Variants in SMC6 observed in about 807,000 individuals in gnomAD.
SMC6 encodes the protein structural maintenance of chromosomes 6.
A neutral mutation model predicts 142.2 loss-of-function variants in SMC6; 79 were observed. The ratio of observed to expected loss-of-function variants is 0.56; its 90% CI spans 0.46 to 0.67. The LOEUF (loss-of-function observed/expected upper bound fraction) is 0.67. SMC6 is among the 30% of genes least tolerant of loss of function. The pLI is 0.00. For synonymous variants in SMC6, 411 were observed against 412.4 expected, an observed-to-expected ratio of 1.00 and a Z score of 0.04; for missense variants, 1,072 against 1,284.0, an observed-to-expected ratio of 0.83 and a Z score of 2.52.
chr2:17,731,786 T>C lies in SMC6; in HGVS notation c.436A>G (p.Ile146Val). ...YGNSILIQQH[I>V]SIDGSRSYKL... ...TAAGATCGACTTCCATCTATGCTGA[T>C]GTGTTGCTGTATAAGTATAGAGTTA... Residue 146 changes from isoleucine (I) to valine (V), a missense_variant, in exon 6 of 28, where the codon ATC becomes GTC. Ile to Val is a conservative substitution (Grantham distance 29). Coordinates refer to ENST00000448223, the MANE Select transcript of SMC6 (RefSeq NM_001142286.2). 1 of 1,613,888 alleles carries C rather than the reference T, an allele frequency of 6.2e-7. No homozygotes were observed. Among genetic ancestry groups the C allele is most frequent in the Non-Finnish European group, 8.5e-7 (1 of 1,179,884 alleles).
At chr2:17,741,053 A>G (rs1029927590) in intron 4 of SMC6, among the ~76,000 whole-genome samples, 1 of 152,190 alleles carries the variant, frequency 6.6e-6, no homozygotes, top group African/African-American at 2.4e-5. Context: ...TAAACCATAT[A>G]AGGTTATTCA....
At chr2:17,719,405 G>C (rs1290879911) in intron 11 of SMC6, among the ~76,000 whole-genome samples, 1 of 152,122 alleles carries the variant, frequency 6.6e-6, no homozygotes, top group African/African-American at 2.4e-5. Flanking sequence ...AAGGTGGTAA[G>C]GATATAAAGA....
At chr2:17,739,845 G>GACAC (rs776038205) in intron 4 of SMC6, among the ~76,000 whole-genome samples, 43,913 of 110,380 alleles carry the variant, frequency 0.4, 7,989 homozygotes, top group Non-Finnish European at 0.44. Flanking sequence ...CACACACACA[G>GACAC]ACACACACAC....
intron 25 of SMC6, among the ~76,000 whole-genome samples, chr2:17,673,287 T>C (rs1376250693): frequency 1.3e-5 from 2 of 152,218 alleles, no homozygotes; most frequent in Non-Finnish European, 2.9e-5. Context: ...AGTCTTTTGT[T>C]GCATGTATGC....
At chr2:17,676,013 T>C (rs1023129468) in intron 25 of SMC6, among the ~76,000 whole-genome samples, 2 of 152,166 alleles carry the variant, frequency 1.3e-5, no homozygotes, top group African/African-American at 4.8e-5. Context: ...GTGCTCCTCA[T>C]ATCTCAAACT....
chr2:17,739,134 T>C (rs1670301657), intron 4 of SMC6, among the ~76,000 whole-genome samples: 1 of 152,188 alleles, frequency 6.6e-6, no homozygotes, highest in Non-Finnish European at 1.5e-5. Context: ...ATTTTGACAA[T>C]TATTATTTGT....
intron 23 of SMC6, among the ~76,000 whole-genome samples, chr2:17,694,919 T>C (rs1667919030): frequency 1.3e-5 from 2 of 152,212 alleles, no homozygotes. Flanking sequence ...ACCTTATAGA[T>C]ACACGAAAGC....
intron 20 of SMC6, 109 bp downstream of exon 20, chr2:17,701,720 G>C (rs780369082): frequency 7.4e-5 from 50 of 672,372 alleles, no homozygotes; most frequent in Non-Finnish European, 1.1e-4. Flanking sequence ...CAATCATAAA[G>C]AGTAGCTTCA....
chr2:17,752,037 A>T (rs886413977), intron 2 of SMC6, among the ~76,000 whole-genome samples: 1 of 152,156 alleles, frequency 6.6e-6, no homozygotes, highest in African/African-American at 2.4e-5. Context: ...CTCAATACTA[A>T]CTGGTTTATA....
Position 17,683,780 on chromosome 2 carries a change from A to T in SMC6, c.2679-17T>A. The T allele has an allele frequency of 9.4e-6, 15 of 1,599,602 alleles. No homozygotes were observed. Among genetic ancestry groups the T allele is most frequent in the Non-Finnish European group, 1.3e-5 (15 of 1,171,236 alleles). On this transcript the variant is annotated splice_polypyrimidine_tract_variant and intron_variant, in intron 23 of 27. Transcript: ENST00000448223. Reference sequence around the variant, plus strand: ...TGGTACTGCCTATTATATAAACAAAATATTACGTAAAAAATACACCACACG... The same window carrying T: ...TGGTACTGCCTATTATATAAACAAATTATTACGTAAAAAATACACCACACG...
intron 6 of SMC6, 124 bp from the exon 7 acceptor site, chr2:17,731,263 T>C (rs941891571): frequency 6.6e-5 from 43 of 655,952 alleles, no homozygotes; most frequent in East Asian, 1.9e-4. Context: ...AAAGGTACCA[T>C]TGAATACGTA....
chr2:17,685,127 T>TA (rs1667392702), intron 23 of SMC6, among the ~76,000 whole-genome samples: 1 of 73,148 alleles, frequency 1.4e-5, no homozygotes, highest in Non-Finnish European at 2.6e-5. Context: ...TCAAGCAAAA[T>TA]GAAAAAAAAA....
At chr2:17,701,208 G>A (rs991576753) in intron 20 of SMC6, among the ~76,000 whole-genome samples, 7 of 152,050 alleles carry the variant, frequency 4.6e-5, no homozygotes, top group South Asian at 2.1e-4. Context: ...TCCATTTTGC[G>A]CACTGCTGTA....
In SMC6 at chr2:17,683,700, C is replaced by T; in HGVS notation, c.2742G>A (p.Lys914=). Residue 914 remains lysine, a synonymous_variant, in exon 24 of 28, where the codon AAG becomes AAA. Coordinates refer to ENST00000448223, the MANE Select transcript of SMC6 (RefSeq NM_001142286.2). ...DLDSKVRTLK[K]FIKLLGEIME... The stretch of plus-strand genomic sequence containing the variant: ...TGATTTCTCCCAGTAATTTAATAAA[C>T]TTTTTTAAAGTCCTCACTTTACTAT... 2 of 1,611,982 alleles carry T rather than the reference C, an allele frequency of 1.2e-6. No individual in the cohort carries two copies. The highest frequency in any genetic ancestry group is 1.1e-5 in the South Asian group (1 of 91,006).
At chr2:17,738,440 T>C (rs1425956528) in intron 4 of SMC6, 114 bp from the exon 5 acceptor site, 4 of 611,480 alleles carry the variant, frequency 6.5e-6, no homozygotes, top group Admixed American at 3.7e-5. Context: ...AAATAAAATG[T>C]TAAAATTCAA....
At chr2:17,714,831 C>CT in intron 16 of SMC6, 30 bp downstream of exon 16, 2 of 1,602,536 alleles carry the variant, frequency 1.2e-6, no homozygotes, top group Non-Finnish European at 1.7e-6. Context: ...TAAGCAAAGC[C>CT]AGAAACATAT....
intron 23 of SMC6, among the ~76,000 whole-genome samples, chr2:17,689,677 C>A (rs904643943): frequency 2.0e-5 from 3 of 152,192 alleles, no homozygotes; most frequent in African/African-American, 7.2e-5. Flanking sequence ...GCCCCCTGGG[C>A]AGATACCAAA....
chr2:17,733,403 A>G (rs1244642669), intron 5 of SMC6, among the ~76,000 whole-genome samples: 2 of 152,244 alleles, frequency 1.3e-5, no homozygotes, highest in African/African-American at 2.4e-5. Context: ...TCTTTAAAAA[A>G]TCAAACTAAG....
intron 25 of SMC6, among the ~76,000 whole-genome samples, chr2:17,673,240 T>C (rs959638803): frequency 1.3e-5 from 2 of 152,246 alleles, no homozygotes; most frequent in African/African-American, 2.4e-5. Context: ...TTAAATGTGA[T>C]GTCAGTCTCT....
Sources: gnomAD v4.1 joint callset for allele counts (sites outside exome capture counted in the v4.1 genomes callset) on GRCh38, gnomAD v4.1.1 for gene constraint, MANE v1.5 for transcripts, NCBI Gene and HGNC (gene_info 2026-07-23, HGNC 2026-07-21) for gene names.